The following ADK variants were observed in gnomAD, a reference collection of about 807,000 sequenced individuals.
ADK encodes the protein adenosine kinase, also known as N6,N6-dimethyladenosine kinase.
ADK carries 24 observed loss-of-function variants against 44.7 expected under a neutral mutation model. The observed-to-expected ratio is 0.54, with a 90% confidence interval of 0.39 to 0.76. ADK has a LOEUF of 0.76. Ranked by LOEUF, ADK falls within the 30% of genes least tolerant of loss-of-function variation. ADK has a pLI of 0.00. For missense variants in ADK, 321 were observed against 425.1 expected (o/e 0.76, Z 2.15); for synonymous variants, 128 against 142.6 (o/e 0.90, Z 0.73).
Position 74,669,944 on chromosome 10 carries a change from T to G in ADK, c.878-239T>G, listed in dbSNP as rs182508712. 8.5e-5 allele frequency among the ~76,000 whole-genome samples: 13 copies of G among 152,310 alleles called. No individual in the cohort carries two copies. In the East Asian group the frequency reaches 2.3e-3, roughly 27 times the overall value. On this transcript the variant is annotated intron_variant, in intron 9 of 10. Coordinates refer to ENST00000539909, the MANE Select transcript of ADK (RefSeq NM_006721.4). ...ACTCCAAAAAAAAGTGTGAACTACCTAGGTATAACTCTCATAAGACGTATA... is the reference window on the plus strand; with the variant it reads ...ACTCCAAAAAAAAGTGTGAACTACCGAGGTATAACTCTCATAAGACGTATA...
At chr10:74,316,501 A>G (rs1409135518) in intron 4 of ADK, among the ~76,000 whole-genome samples, 1 of 152,194 alleles carries the variant, frequency 6.6e-6, no homozygotes, top group African/African-American at 2.4e-5. Flanking sequence ...AGTTCTCACA[A>G]GATCTGATGG....
At chr10:74,557,414 G>A (rs1473032739) in intron 7 of ADK, among the ~76,000 whole-genome samples, 1 of 152,154 alleles carries the variant, frequency 6.6e-6, no homozygotes, top group African/African-American at 2.4e-5. Context: ...TAAATGGCCA[G>A]AGATGTTATT....
chr10:74,524,511 G>A (rs542463345), intron 6 of ADK, among the ~76,000 whole-genome samples: 61 of 152,244 alleles, frequency 4.0e-4, no homozygotes, highest in African/African-American at 1.5e-3. Context: ...TCCCGTCTCA[G>A]TCTCATGAGT....
chr10:74,621,868 C>T (rs565493070), intron 9 of ADK, among the ~76,000 whole-genome samples: 106 of 152,284 alleles, frequency 7.0e-4, no homozygotes, highest in South Asian at 3.9e-3. Flanking sequence ...CAGTCTACCT[C>T]TCATTTGCTT....
chr10:74,270,166 CAT>C (rs1357865708), intron 3 of ADK, among the ~76,000 whole-genome samples: 1 of 152,092 alleles, frequency 6.6e-6, no homozygotes, highest in Non-Finnish European at 1.5e-5. Context: ...AGTGATTAAA[CAT>C]GTGAAAAGTA....
Position 74,709,069 on chromosome 10 carries a change from G to A in ADK, c.*624G>A, listed in dbSNP as rs1323791926. 6.6e-6 allele frequency: 1 copy of A among 152,534 alleles called. No homozygotes were observed. Among genetic ancestry groups the A allele is most frequent in the Non-Finnish European group, 1.5e-5 (1 of 68,370 alleles). 9.4% of individuals were successfully genotyped at this position (152,534 alleles called of 1,614,324 possible). A position where few individuals can be genotyped will look rare whatever the true frequency, so the allele number is the denominator to read the frequency against. ...GTTGTACCACAATATTCAAATCATA[G>A]TCTTATGGAACTCTGTAATTGGACA... On this transcript the variant is annotated 3_prime_UTR_variant, in exon 11 of 11. Transcript: ENST00000539909.
chr10:74,386,699 A>G (rs1843153525), intron 4 of ADK, among the ~76,000 whole-genome samples: 2 of 152,122 alleles, frequency 1.3e-5, no homozygotes, highest in South Asian at 2.1e-4. Context: ...GCCTACATCT[A>G]CCTTTCCCAT....
In ADK at chr10:74,447,780, TG is replaced by T. The variant is rs538033867; in HGVS notation, c.555+49203del. Among the ~76,000 whole-genome samples, 42 of 152,304 alleles carry T rather than the reference TG, an allele frequency of 2.8e-4. No individual in the cohort carries two copies. The South Asian group carries it at 8.7e-3, about 32-fold the overall frequency. On this transcript the variant is annotated intron_variant, in intron 6 of 10. Transcript: ENST00000539909. ...AAGCACCAAAAAATGCTTAATAAAG[TG>T]GTCTGACACATAGTAAATTCTCAAT...
chr10:74,645,007 C>A (rs1266148020), intron 9 of ADK, among the ~76,000 whole-genome samples: 3 of 152,296 alleles, frequency 2.0e-5, no homozygotes, highest in Non-Finnish European at 2.9e-5. Context: ...CTAGGTAGTA[C>A]AGAGCAGCCC....
intron 6 of ADK, among the ~76,000 whole-genome samples, chr10:74,416,697 T>C (rs1410544453): frequency 6.6e-6 from 1 of 151,898 alleles, no homozygotes; most frequent in Non-Finnish European, 1.5e-5. Context: ...TCAGCTCTGC[T>C]GTCCTAACTA....
At chr10:74,249,564 A>C (rs1845570471) in intron 3 of ADK, among the ~76,000 whole-genome samples, 1 of 152,196 alleles carries the variant, frequency 6.6e-6, no homozygotes, top group African/African-American at 2.4e-5. Context: ...GGCCTGACAT[A>C]GGTCTTACAA....
At chr10:74,302,506 T>C (rs1352919846) in intron 3 of ADK, among the ~76,000 whole-genome samples, 1 of 151,968 alleles carries the variant, frequency 6.6e-6, no homozygotes, top group Non-Finnish European at 1.5e-5. Flanking sequence ...AGAATTTATA[T>C]TCCAGGCTGG....
intron 2 of ADK, among the ~76,000 whole-genome samples, chr10:74,208,730 T>C (rs7070345): frequency 6.6e-6 from 1 of 151,848 alleles, no homozygotes; most frequent in South Asian, 2.1e-4. Flanking sequence ...TTTTTTATTT[T>C]TTTATTTTTT....
chr10:74,221,650 A>G (rs1844314131), intron 2 of ADK, among the ~76,000 whole-genome samples: 1 of 147,614 alleles, frequency 6.8e-6, no homozygotes, highest in African/African-American at 2.6e-5. Flanking sequence ...CCAAAACAGC[A>G]TGGTACTGGT....
chr10:74,186,397 A>G (rs1842768535), intron 1 of ADK, among the ~76,000 whole-genome samples: 2 of 151,864 alleles, frequency 1.3e-5, no homozygotes, highest in South Asian at 4.2e-4. Flanking sequence ...TACTTGCCTC[A>G]GTCCCCCAAG....
At chr10:74,553,509 T>C (rs1223509219) in intron 7 of ADK, among the ~76,000 whole-genome samples, 2 of 152,064 alleles carry the variant, frequency 1.3e-5, no homozygotes, top group Non-Finnish European at 2.9e-5. Context: ...TATGTATTCA[T>C]TTAACAGTAC....
At chr10:74,571,177 G>A (rs1297663304) in intron 7 of ADK, among the ~76,000 whole-genome samples, 3 of 152,196 alleles carry the variant, frequency 2.0e-5, no homozygotes, top group African/African-American at 7.2e-5. Flanking sequence ...ATGTGCTGCT[G>A]GATTCGGTTT....
chr10:74,180,684 T>C (rs1842519016), intron 1 of ADK, among the ~76,000 whole-genome samples: 2 of 152,082 alleles, frequency 1.3e-5, no homozygotes, highest in African/African-American at 4.8e-5. Flanking sequence ...GGTCTCGATC[T>C]CCTGACCTCA....
intron 4 of ADK, among the ~76,000 whole-genome samples, chr10:74,368,093 G>A (rs1842549232): frequency 6.6e-6 from 1 of 152,184 alleles, no homozygotes; most frequent in Non-Finnish European, 1.5e-5. Context: ...GATGTTTGGA[G>A]AGGTTTTCAG....
Sources: gnomAD v4.1 joint callset for allele counts (sites outside exome capture counted in the v4.1 genomes callset) on GRCh38, gnomAD v4.1.1 for gene constraint, MANE v1.5 for transcripts, NCBI Gene and HGNC (gene_info 2026-07-23, HGNC 2026-07-21) for gene names.